The following PPP1R13B variants were observed in gnomAD, a reference collection of about 807,000 sequenced individuals.
PPP1R13B encodes apoptosis-stimulating of p53 protein 1.
A neutral mutation model predicts 119.8 loss-of-function variants in PPP1R13B; 44 were observed. The ratio of observed to expected loss-of-function variants is 0.37; its 90% CI spans 0.29 to 0.47. The LOEUF (loss-of-function observed/expected upper bound fraction) is 0.47. PPP1R13B is among the 20% of genes least tolerant of loss of function. The probability of loss-of-function intolerance (pLI) is 0.99; values close to 1 mark genes in which losing one functional copy is unlikely to be tolerated. For missense variants in PPP1R13B, 1,227 were observed against 1,413.5 expected (o/e 0.87, Z 2.12); for synonymous variants, 542 against 561.5 (o/e 0.97, Z 0.49).
Position 103,733,215 on chromosome 14 carries a change from C to A in PPP1R13B, c.*1939G>T. The stretch of plus-strand genomic sequence containing the variant: ...CACAGTTTATTAATGCTTTAAACAG[C>A]TTCATGTTTTAGAATTTGTGTATTG... On this transcript the variant is annotated 3_prime_UTR_variant, in exon 17 of 17. Coordinates refer to ENST00000202556, the MANE Select transcript of PPP1R13B (RefSeq NM_015316.3). 1 of 661,270 alleles carries A rather than the reference C, an allele frequency of 1.5e-6. No homozygotes were observed. The highest frequency in any genetic ancestry group is 1.8e-5 in the African/African-American group (1 of 54,916). 41.0% of individuals were successfully genotyped at this position (661,270 alleles called of 1,614,324 possible). A position where few individuals can be genotyped will look rare whatever the true frequency, so the allele number is the denominator to read the frequency against.
chr14:103,811,702 T>C (rs1010901129), intron 1 of PPP1R13B, among the ~76,000 whole-genome samples: 10 of 151,800 alleles, frequency 6.6e-5, no homozygotes, highest in African/African-American at 2.4e-4. Context: ...AATAAATACA[T>C]AAAGGACTTG....
chr14:103,779,808 T>C (rs1463957887), intron 3 of PPP1R13B, among the ~76,000 whole-genome samples: 1 of 151,700 alleles, frequency 6.6e-6, no homozygotes, highest in Non-Finnish European at 1.5e-5. Flanking sequence ...AGATAAAAAT[T>C]TGGCATTCAT....
chr14:103,780,927 C>T (rs1484284454), intron 3 of PPP1R13B, among the ~76,000 whole-genome samples: 2 of 152,006 alleles, frequency 1.3e-5, no homozygotes, highest in African/African-American at 2.4e-5. Flanking sequence ...CTCTCTATGC[C>T]ACCCTTTTAG....
chr14:103,791,575 CT>C (rs1380211280), intron 2 of PPP1R13B, among the ~76,000 whole-genome samples: 1 of 151,944 alleles, frequency 6.6e-6, no homozygotes, highest in African/African-American at 2.4e-5. Context: ...AAATACAAAA[CT>C]TAGCCAGGCG....
At chr14:103,755,429 C>T (rs1178856315) in intron 5 of PPP1R13B, among the ~76,000 whole-genome samples, 2 of 152,176 alleles carry the variant, frequency 1.3e-5, no homozygotes, top group African/African-American at 4.8e-5. Context: ...AATAAGGAAA[C>T]ATTTTAGAGT....
chr14:103,737,596 A>C, intron 15 of PPP1R13B, 98 bp downstream of exon 15: 1 of 1,425,638 alleles, frequency 7.0e-7, no homozygotes, highest in Non-Finnish European at 9.4e-7. Flanking sequence ...AAAAACAAAC[A>C]GAAAGCTGTG....
At chr14:103,783,426 A>C (rs1029421537) in intron 3 of PPP1R13B, among the ~76,000 whole-genome samples, 3 of 151,122 alleles carry the variant, frequency 2.0e-5, no homozygotes, top group Non-Finnish European at 3.0e-5. Flanking sequence ...CATCGGGCTA[A>C]TTTTTAGCAG....
intron 3 of PPP1R13B, among the ~76,000 whole-genome samples, chr14:103,784,550 T>A (rs1303605065): frequency 7.8e-5 from 10 of 127,514 alleles, no homozygotes; most frequent in Admixed American, 2.0e-4. Context: ...ACCACTGTAC[T>A]CCAGCCTGGG....
At chr14:103,761,395 G>C (rs2084802414) in intron 4 of PPP1R13B, among the ~76,000 whole-genome samples, 1 of 151,488 alleles carries the variant, frequency 6.6e-6, no homozygotes. Flanking sequence ...TACCTGTCCA[G>C]TTAATGACTC....
At chr14:103,846,561 C>T (rs1228561658) in intron 1 of PPP1R13B, among the ~76,000 whole-genome samples, 1 of 152,178 alleles carries the variant, frequency 6.6e-6, no homozygotes, top group African/African-American at 2.4e-5. Flanking sequence ...ATGCTTACCT[C>T]CCAAAAAGCC....
intron 6 of PPP1R13B, 59 bp downstream of exon 6, chr14:103,754,011 T>G: frequency 6.4e-7 from 1 of 1,555,214 alleles, no homozygotes; most frequent in Non-Finnish European, 8.7e-7. Context: ...AGTTAGACTA[T>G]GTTTCACTGG....
At chr14:103,751,369 A>C (rs2084540630) in intron 7 of PPP1R13B, among the ~76,000 whole-genome samples, 2 of 152,364 alleles carry the variant, frequency 1.3e-5, no homozygotes, top group South Asian at 4.1e-4. Flanking sequence ...AACAGCAACC[A>C]CAAGTGATTT....
intron 1 of PPP1R13B, among the ~76,000 whole-genome samples, chr14:103,809,437 A>G (rs2086094903): frequency 6.6e-6 from 1 of 152,206 alleles, no homozygotes; most frequent in South Asian, 2.1e-4. Flanking sequence ...AAATTCATAC[A>G]GCTTTCCATA....
At chr14:103,794,186 C>T (rs759895348) in intron 2 of PPP1R13B, among the ~76,000 whole-genome samples, 1 of 152,174 alleles carries the variant, frequency 6.6e-6, no homozygotes, top group Non-Finnish European at 1.5e-5. Context: ...CACTTTGTTA[C>T]GGCAGCCTCA....
Position 103,797,409 on chromosome 14 carries a change from T to C in PPP1R13B, c.119A>G (p.Glu40Gly). 1.2e-6 allele frequency: 2 copies of C among 1,614,090 alleles called. No homozygotes were observed. The highest frequency in any genetic ancestry group is 1.7e-6 in the Non-Finnish European group (2 of 1,180,004). Residue 40 changes from glutamate (E) to glycine (G), a missense_variant, in exon 2 of 17, where the codon GAA (glutamate) becomes GGA (glycine). By Grantham distance (98) the Glu-to-Gly change is moderately conservative. Coordinates refer to ENST00000202556, the MANE Select transcript of PPP1R13B (RefSeq NM_015316.3). The stretch of plus-strand genomic sequence containing the variant: ...CACTTCAGCTAAATGGCAGCTGCCT[T>C]CTCCAGGTTCCTTGCAAAATTCTAC... Reference protein sequence around the residue: ...DVVEFCKEPGEGSCHLAEVWR... With the variant: ...DVVEFCKEPGGGSCHLAEVWR...
chr14:103,750,008 A>G lies in PPP1R13B; in HGVS notation c.829-74T>C. On this transcript the variant is annotated intron_variant, in intron 7 of 16. Coordinates refer to ENST00000202556, the MANE Select transcript of PPP1R13B (RefSeq NM_015316.3). ...AAATTCTCATTGCCAGGGAGATTAA[A>G]AAAGAAAAAGTAGCATTAAGTTCTC... The G allele has an allele frequency of 2.0e-6, 3 of 1,519,048 alleles. No individual in the cohort carries two copies. In the Admixed American group the frequency reaches 6.0e-5, roughly 30 times the overall value. 94.1% of individuals were successfully genotyped at this position (1,519,048 alleles called of 1,614,324 possible). A position where few individuals can be genotyped will look rare whatever the true frequency, so the allele number is the denominator to read the frequency against.
At chr14:103,739,450 G>A (rs941626596) in intron 12 of PPP1R13B, among the ~76,000 whole-genome samples, 4 of 152,276 alleles carry the variant, frequency 2.6e-5, no homozygotes, top group African/African-American at 9.6e-5. Flanking sequence ...GATGGCGCCT[G>A]GCTCCCTCTC....
rs544372434 is a variant in PPP1R13B, at chr14:103,831,597, C to T, written c.9+15702G>A. On this transcript the variant is annotated intron_variant, in intron 1 of 16. Coordinates refer to ENST00000202556, the MANE Select transcript of PPP1R13B (RefSeq NM_015316.3). ...AAGTGCTGGGATTATAGGCGTGAGCCACCATGCTCGGCCTCTTTTGCCTTT... is the reference window on the plus strand; with the variant it reads ...AAGTGCTGGGATTATAGGCGTGAGCTACCATGCTCGGCCTCTTTTGCCTTT... Among the ~76,000 whole-genome samples the T allele has an allele frequency of 9.9e-5, 15 of 151,024 alleles. No individual in the cohort carries two copies. The South Asian group carries it at 2.9e-3, about 30-fold the overall frequency.
At chr14:103,771,462 A>C (rs1459784903) in intron 4 of PPP1R13B, among the ~76,000 whole-genome samples, 1 of 151,120 alleles carries the variant, frequency 6.6e-6, no homozygotes, top group East Asian at 1.9e-4. Context: ...AGAAGATTTA[A>C]GAACTAACAC....
Sources: gnomAD v4.1 joint callset for allele counts (sites outside exome capture counted in the v4.1 genomes callset) on GRCh38, gnomAD v4.1.1 for gene constraint, MANE v1.5 for transcripts, NCBI Gene and HGNC (gene_info 2026-07-23, HGNC 2026-07-21) for gene names.